The following EPB41L4A variants were observed in gnomAD, a reference collection of about 807,000 sequenced individuals.
EPB41L4A encodes band 4.1-like protein 4A.
In EPB41L4A, 100 loss-of-function variants were observed where a neutral mutation model predicts 108.6. That is an observed-to-expected ratio of 0.92 (90% CI 0.78 to 1.09). The LOEUF (loss-of-function observed/expected upper bound fraction) is 1.09, where lower values mean the gene tolerates loss of function less well. Ranked by LOEUF, EPB41L4A falls within the 50% of genes least tolerant of loss-of-function variation. The pLI is 0.00. For synonymous variants in EPB41L4A, 319 were observed against 289.0 expected (o/e 1.10, Z -1.05); for missense variants, 1,030 against 842.7 (o/e 1.22, Z -2.75).
intron 9 of EPB41L4A, among the ~76,000 whole-genome samples, chr5:112,244,741 C>G (rs1193433668): frequency 6.6e-6 from 1 of 152,078 alleles, no homozygotes; most frequent in Non-Finnish European, 1.5e-5. Context: ...GAAGATGGAC[C>G]CACCATTTTG....
chr5:112,328,496 G>A (rs1394137674), intron 1 of EPB41L4A, among the ~76,000 whole-genome samples: 1 of 152,012 alleles, frequency 6.6e-6, no homozygotes, highest in Admixed American at 6.5e-5. Context: ...AAGTGATTTG[G>A]GATATTGCTA....
At chr5:112,364,016 CATTT>C (rs542568282) in intron 1 of EPB41L4A, among the ~76,000 whole-genome samples, 1,627 of 114,856 alleles carry the variant, frequency 0.014, 18 homozygotes, top group African/African-American at 0.045. Context: ...TGCTTTCATT[CATTT>C]ATTCATTCAT....
In EPB41L4A at chr5:112,208,244, C is replaced by CAAA. The variant is rs68152475; in HGVS notation, c.1178+1645_1178+1647dup. On this transcript the variant is annotated intron_variant, in intron 13 of 22. Coordinates refer to ENST00000261486, the MANE Select transcript of EPB41L4A (RefSeq NM_022140.5). ...CTGGCAACAGAGGGAGACTCCATCT[C>CAAA]AAAAAAAAAAAAAAAAAAAGACACA... is the stretch of plus-strand genomic sequence containing the variant. Among the ~76,000 whole-genome samples the CAAA allele has an allele frequency of 1.5e-3, 130 of 85,086 alleles. 6 individuals are homozygous for CAAA. Among genetic ancestry groups the CAAA allele is most frequent in the African/African-American group, 4.9e-3 (107 of 21,694 alleles). 55.8% of individuals were successfully genotyped at this position (85,086 alleles called of 152,430 possible).
chr5:112,358,211 A>G (rs1187572153), intron 1 of EPB41L4A, among the ~76,000 whole-genome samples: 2 of 152,338 alleles, frequency 1.3e-5, no homozygotes, highest in South Asian at 2.1e-4. Context: ...GGGAGAGGTA[A>G]TGATTTGTCC....
At position 112,211,495 on chromosome 5, in the gene EPB41L4A, T is replaced by C. The variant is rs183676926; in HGVS notation, c.1088-1513A>G. On this transcript the variant is annotated intron_variant, in intron 12 of 22. Transcript: ENST00000261486. ...TACTCAGGAGGCTGAGGCAGGAGAA[T>C]TGCTTGAACTGGGACCCGGGAGGTG... Among the ~76,000 whole-genome samples, 248 of 152,028 alleles carry C rather than the reference T, an allele frequency of 1.6e-3. 1 individual carries two copies. The highest frequency in any genetic ancestry group is 0.014 in the Admixed American group (215 of 15,286).
At chr5:112,235,981 A>G (rs1749305379) in intron 11 of EPB41L4A, among the ~76,000 whole-genome samples, 1 of 152,186 alleles carries the variant, frequency 6.6e-6, no homozygotes, top group South Asian at 2.1e-4. Context: ...CATAAAGTGA[A>G]AAGTTTCATT....
At chr5:112,151,645 C>T (rs1054437891) in intron 12 of EPB41L4A, among the ~76,000 whole-genome samples, 9 of 151,482 alleles carry the variant, frequency 5.9e-5, no homozygotes, top group African/African-American at 1.9e-4. Context: ...TGAGCTCAGG[C>T]GATCCACCTG....
chr5:112,371,585 A>C (rs1759500459), intron 1 of EPB41L4A, among the ~76,000 whole-genome samples: 1 of 152,002 alleles, frequency 6.6e-6, no homozygotes, highest in Non-Finnish European at 1.5e-5. Flanking sequence ...CATTCATGCA[A>C]CTCCCAGTCA....
intron 1 of EPB41L4A, among the ~76,000 whole-genome samples, chr5:112,313,710 G>A (rs546208026): frequency 1.1e-4 from 16 of 152,010 alleles, no homozygotes; most frequent in African/African-American, 3.9e-4. Flanking sequence ...TTGCTGTGGA[G>A]GCAGTTTGTT....
At chr5:112,252,244 T>C (rs1750731304) in intron 9 of EPB41L4A, among the ~76,000 whole-genome samples, 1 of 152,146 alleles carries the variant, frequency 6.6e-6, no homozygotes, top group Admixed American at 6.5e-5. Flanking sequence ...TTTCTATTTG[T>C]ATATATGTGT....
At chr5:112,308,003 T>C (rs747014758) in intron 1 of EPB41L4A, among the ~76,000 whole-genome samples, 4 of 152,172 alleles carry the variant, frequency 2.6e-5, no homozygotes, top group Non-Finnish European at 4.4e-5. Context: ...GCTAATGTTC[T>C]GAAAAGCCCC....
At chr5:112,275,475 C>G in intron 3 of EPB41L4A, 71 bp from the exon 4 acceptor site, 1 of 1,399,124 alleles carries the variant, frequency 7.1e-7, no homozygotes, top group Non-Finnish European at 9.5e-7. Flanking sequence ...TAATATTATA[C>G]AGCTATTTAC....
intron 9 of EPB41L4A, among the ~76,000 whole-genome samples, chr5:112,244,739 A>C (rs1302209911): frequency 6.6e-6 from 1 of 152,132 alleles, no homozygotes; most frequent in Non-Finnish European, 1.5e-5. Flanking sequence ...GGGAAGATGG[A>C]CCCACCATTT....
chr5:112,380,783 T>A (rs1760121824), intron 1 of EPB41L4A, among the ~76,000 whole-genome samples: 1 of 120,074 alleles, frequency 8.3e-6, no homozygotes, highest in African/African-American at 3.3e-5. Context: ...CCTCTGCACA[T>A]CACACACATA....
At chr5:112,380,548 G>C (rs576028738) in intron 1 of EPB41L4A, among the ~76,000 whole-genome samples, 68 of 152,134 alleles carry the variant, frequency 4.5e-4, no homozygotes, top group African/African-American at 1.6e-3. Context: ...AGATAAATTT[G>C]TGGGAAAATA....
intron 12 of EPB41L4A, among the ~76,000 whole-genome samples, chr5:112,221,958 G>A: frequency 6.6e-6 from 1 of 152,146 alleles, no homozygotes; most frequent in Middle Eastern, 3.2e-3. Flanking sequence ...AAGTTTCAAG[G>A]CAGAATAGAA....
chr5:112,418,914 C>A, intron 1 of EPB41L4A, 27 bp downstream of exon 1: 1 of 1,596,374 alleles, frequency 6.3e-7, no homozygotes, highest in African/African-American at 1.3e-5. Context: ...CCGCCAACCC[C>A]CGGAACGCGC....
chr5:112,392,164 G>C (rs762547214), intron 1 of EPB41L4A, among the ~76,000 whole-genome samples: 6 of 152,056 alleles, frequency 3.9e-5, no homozygotes, highest in African/African-American at 1.4e-4. Flanking sequence ...AAACTGCATC[G>C]ACTAATGGGA....
At chr5:112,397,379 T>C (rs911885300) in intron 1 of EPB41L4A, among the ~76,000 whole-genome samples, 1 of 152,222 alleles carries the variant, frequency 6.6e-6, no homozygotes, top group African/African-American at 2.4e-5. Flanking sequence ...CTTCATATTA[T>C]ACATGTATTA....
Sources: allele counts gnomAD v4.1 joint callset (sites outside exome capture counted in the v4.1 genomes callset), GRCh38; gene constraint gnomAD v4.1.1; transcripts MANE v1.5; gene names NCBI Gene and HGNC (gene_info 2026-07-23, HGNC 2026-07-21).